Variants in GRB10 observed in about 807,000 individuals in gnomAD.
GRB10 encodes the protein growth factor receptor bound protein 10, also known as growth factor receptor-bound protein 10.
A neutral mutation model predicts 80.9 loss-of-function variants in GRB10; 20 were observed. The ratio of observed to expected loss-of-function variants is 0.25; its 90% CI spans 0.17 to 0.36. The LOEUF (loss-of-function observed/expected upper bound fraction) is 0.36, where lower values mean the gene tolerates loss of function less well. Ranked by LOEUF, GRB10 falls within the 10% of genes least tolerant of loss-of-function variation. The pLI, the probability that GRB10 is intolerant of heterozygous loss-of-function variation, is 1.00. For missense variants in GRB10, 548 were observed against 747.7 expected, an observed-to-expected ratio of 0.73 and a Z score of 3.12; for synonymous variants, 291 against 291.5, an observed-to-expected ratio of 1.00 and a Z score of 0.02.
chr7:50,792,833 T>C (rs1184714709), intron 1 of GRB10: 6 of 153,640 alleles, frequency 3.9e-5, no homozygotes, highest in African/African-American at 1.5e-4. Context: ...GAGCGCGGCC[T>C]TGACCGCAGC....
At chr7:50,610,661 G>T (rs2049341710) in intron 13 of GRB10, among the ~76,000 whole-genome samples, 2 of 152,142 alleles carry the variant, frequency 1.3e-5, no homozygotes, top group Non-Finnish European at 2.9e-5. Context: ...CCTCAGTTTT[G>T]TCATCCACAA....
In GRB10 at chr7:50,618,057, T is replaced by TTGTG. The variant is rs751237806; in HGVS notation, c.846+10_846+13dup. The TTGTG allele has an allele frequency of 1.2e-6, 2 of 1,600,562 alleles. No homozygotes were observed. The highest frequency in any genetic ancestry group is 1.7e-6 in the Non-Finnish European group (2 of 1,167,626). Reference sequence around the variant, plus strand: ...GAAAGTCTATTTCAGCAGAGATCTATTGTGGCCCAGTACCTGCAAAAGCTG... The same window carrying TTGTG: ...GAAAGTCTATTTCAGCAGAGATCTATTGTGTGTGGCCCAGTACCTGCAAAAGCTG... On this transcript the variant is annotated intron_variant, in intron 10 of 18. Transcript: ENST00000401949.
chr7:50,599,697 T>C (rs2047274168), intron 17 of GRB10, among the ~76,000 whole-genome samples: 1 of 152,228 alleles, frequency 6.6e-6, no homozygotes, highest in African/African-American at 2.4e-5. Flanking sequence ...ACAGAGGTGA[T>C]GCTTCTATCG....
chr7:50,616,254 AAC>A lies in GRB10; in HGVS notation c.938_939del (p.Cys313PhefsTer59). 6.2e-7 allele frequency: 1 copy of A among 1,614,226 alleles called. No individual in the cohort carries two copies. Among genetic ancestry groups the A allele is most frequent in the Non-Finnish European group, 8.5e-7 (1 of 1,180,036 alleles). On this transcript the variant is annotated frameshift_variant, in exon 11 of 19. Transcript: ENST00000401949. LOFTEE classifies it high-confidence loss of function. ...GAGCAATAAAGGCCAGATCTCCGCAAACACACATACAGCTTTTTCCATGATTT... is the reference window on the plus strand; with the variant it reads ...GAGCAATAAAGGCCAGATCTCCGCAAACACATACAGCTTTTTCCATGATTT... ...GKKSWKKLYV[C>X]LRRSGLYCST...
intron 7 of GRB10, among the ~76,000 whole-genome samples, chr7:50,630,681 C>T (rs1419260038): frequency 1.3e-5 from 2 of 152,178 alleles, no homozygotes; most frequent in African/African-American, 2.4e-5. Context: ...TTTCTCTCTA[C>T]TGCAAAAAAG....
chr7:50,660,965 C>A (rs1312316262), intron 7 of GRB10, among the ~76,000 whole-genome samples: 1 of 152,168 alleles, frequency 6.6e-6, no homozygotes, highest in Non-Finnish European at 1.5e-5. Context: ...TCCAAAGGCA[C>A]CAGAAAAGGT....
chr7:50,722,155 C>T (rs1317754171), intron 4 of GRB10, among the ~76,000 whole-genome samples: 1 of 152,148 alleles, frequency 6.6e-6, no homozygotes, highest in East Asian at 1.9e-4. Context: ...GCTTCCCAGG[C>T]TGTCCCCCAC....
At chr7:50,677,991 G>A (rs1238208630) in intron 5 of GRB10, among the ~76,000 whole-genome samples, 1 of 152,174 alleles carries the variant, frequency 6.6e-6, no homozygotes, top group Non-Finnish European at 1.5e-5. Context: ...TTCTCTTCTA[G>A]GAAAATAACA....
intron 1 of GRB10, among the ~76,000 whole-genome samples, chr7:50,788,714 G>A (rs1439054468): frequency 6.6e-6 from 1 of 152,222 alleles, no homozygotes; most frequent in Non-Finnish European, 1.5e-5. Context: ...GGGAGAAGCA[G>A]GACTGCCCAC....
chr7:50,593,964 C>T (rs4245556), intron 18 of GRB10, among the ~76,000 whole-genome samples: 47,224 of 150,358 alleles, frequency 0.31, 8,812 homozygotes, highest in East Asian at 0.44. Flanking sequence ...CTGCCTACCA[C>T]GAAAGCCCCC....
chr7:50,792,080 A>G (rs577163585), intron 1 of GRB10, among the ~76,000 whole-genome samples: 76 of 152,300 alleles, frequency 5.0e-4, no homozygotes, highest in African/African-American at 1.6e-3. Flanking sequence ...TTGAAACTTT[A>G]AATAGACCAC....
At chr7:50,742,267 GCGCGCACACACACACACACACACACA>G (rs1466987623) in intron 3 of GRB10, among the ~76,000 whole-genome samples, 4 of 30,932 alleles carry the variant, frequency 1.3e-4, no homozygotes, top group Non-Finnish European at 2.7e-4. Flanking sequence ...GCGCACGCGC[GCGCGCACACACACACACACACACACA>G]CACACACACA....
chr7:50,792,644 G>T (rs1483688722), intron 1 of GRB10: 3 of 395,308 alleles, frequency 7.6e-6, no homozygotes, highest in Non-Finnish European at 1.3e-5. Context: ...GTCACCAACA[G>T]AACCAAAAAA....
intron 5 of GRB10, among the ~76,000 whole-genome samples, chr7:50,700,116 A>G (rs1375852012): frequency 6.6e-6 from 1 of 151,976 alleles, no homozygotes; most frequent in Non-Finnish European, 1.5e-5. Context: ...TCCAGCCTGG[A>G]TGACAGAGCG....
At chr7:50,626,694 A>G in intron 8 of GRB10, 128 bp downstream of exon 8, 2 of 1,020,218 alleles carry the variant, frequency 2.0e-6, no homozygotes, top group Non-Finnish European at 3.1e-6. Flanking sequence ...GTCGAGGGGA[A>G]CCCAGAGACT....
intron 2 of GRB10, among the ~76,000 whole-genome samples, chr7:50,759,697 C>CA (rs1350818880): frequency 6.6e-6 from 1 of 152,150 alleles, no homozygotes; most frequent in African/African-American, 2.4e-5. Flanking sequence ...CACAGACGCA[C>CA]AAGCTGTGGA....
intron 2 of GRB10, among the ~76,000 whole-genome samples, chr7:50,765,298 C>A (rs1053599935): frequency 6.6e-6 from 1 of 152,264 alleles, no homozygotes; most frequent in South Asian, 2.1e-4. Flanking sequence ...ATCATATGAT[C>A]CAGCAATTTC....
intron 5 of GRB10, among the ~76,000 whole-genome samples, chr7:50,680,911 TG>T (rs1261243040): frequency 6.6e-6 from 1 of 152,146 alleles, no homozygotes; most frequent in Non-Finnish European, 1.5e-5. Context: ...TCTGCTACCT[TG>T]AAACTCCATC....
chr7:50,595,798 C>T, intron 17 of GRB10: 1 of 410,714 alleles, frequency 2.4e-6, no homozygotes, highest in Non-Finnish European at 4.5e-6. Context: ...AGGGTTAGGG[C>T]AGGGAAACTA....
Sources: allele counts gnomAD v4.1 joint callset (sites outside exome capture counted in the v4.1 genomes callset), GRCh38; gene constraint gnomAD v4.1.1; transcripts MANE v1.5; gene names NCBI Gene and HGNC (gene_info 2026-07-23, HGNC 2026-07-21).